Variants in ASAP1 observed in about 807,000 individuals in gnomAD.
ASAP1 encodes the protein ArfGAP with SH3 domain, ankyrin repeat and PH domain 1, also known as arf-GAP with SH3 domain, ANK repeat and PH domain-containing protein 1.
In ASAP1, 43 loss-of-function variants were observed where a neutral mutation model predicts 145.2. The observed-to-expected ratio is 0.30, with a 90% CI of 0.23 to 0.38. ASAP1 has a LOEUF of 0.38. ASAP1 is among the 10% of genes least tolerant of loss of function. The pLI, the probability that ASAP1 is intolerant of heterozygous loss-of-function variation, is 1.00. For missense variants in ASAP1, 1,018 were observed against 1,355.3 expected, an observed-to-expected ratio of 0.75 and a Z score of 3.91; for synonymous variants, 546 against 515.5, an observed-to-expected ratio of 1.06 and a Z score of -0.80.
rs77196359 is a variant in ASAP1, at chr8:130,089,340, G to A, written c.2572+2633C>T. Among the ~76,000 whole-genome samples the A allele has an allele frequency of 3.3e-3, 506 of 152,276 alleles. 18 individuals are homozygous for A. The East Asian group carries it at 0.08, about 24-fold the overall frequency. On this transcript the variant is annotated intron_variant, in intron 25 of 29. Coordinates refer to ENST00000518721, the MANE Select transcript of ASAP1 (RefSeq NM_018482.4). ...AAGATGGCAGACATGTTCAGCTTTG[G>A]GGGTGGAGAGGTAAGGCCTGGTGAG...
intron 2 of ASAP1, among the ~76,000 whole-genome samples, chr8:130,392,872 G>A (rs982018745): frequency 1.3e-5 from 2 of 152,178 alleles, no homozygotes; most frequent in Non-Finnish European, 2.9e-5. Context: ...TCATTCATGA[G>A]GGATCCGCCT....
Position 130,226,734 on chromosome 8 carries a change from T to C in ASAP1, c.259+10188A>G, listed in dbSNP as rs372082746. Reference sequence around the variant, plus strand: ...ATACTCAAAGAGTTCCACAGGGCTATTACTCAGCATTTAAACAGCACCTGA... The same window carrying C: ...ATACTCAAAGAGTTCCACAGGGCTACTACTCAGCATTTAAACAGCACCTGA... On this transcript the variant is annotated intron_variant, in intron 4 of 29. Coordinates refer to ENST00000518721, the MANE Select transcript of ASAP1 (RefSeq NM_018482.4). 6.6e-5 allele frequency among the ~76,000 whole-genome samples: 10 copies of C among 152,324 alleles called. No homozygotes were observed. In the East Asian group the frequency reaches 1.5e-3, roughly 23 times the overall value.
At chr8:130,417,955 G>A (rs1427717159) in intron 1 of ASAP1, among the ~76,000 whole-genome samples, 1 of 152,182 alleles carries the variant, frequency 6.6e-6, no homozygotes, top group Non-Finnish European at 1.5e-5. Context: ...GCCAGGGGCT[G>A]GAACACTCAC....
At chr8:130,267,435 C>T (rs1820330299) in intron 3 of ASAP1, among the ~76,000 whole-genome samples, 1 of 152,144 alleles carries the variant, frequency 6.6e-6, no homozygotes, top group South Asian at 2.1e-4. Flanking sequence ...GATGAAGAAT[C>T]ACATTAGATC....
rs140795718 is a variant in ASAP1 at position 130,311,671 on chromosome 8, G to C, written c.186+46346C>G. 4.8e-3 allele frequency among the ~76,000 whole-genome samples: 701 copies of C among 146,924 alleles called. 5 individuals are homozygous for C. Among genetic ancestry groups the C allele is most frequent in the African/African-American group, 0.017 (664 of 39,622 alleles). On this transcript the variant is annotated intron_variant, in intron 3 of 29. Coordinates refer to ENST00000518721, the MANE Select transcript of ASAP1 (RefSeq NM_018482.4). ...AGCTACTCGGGAGGCTGAGGCAAGA[G>C]AATCGCTTGAACCCGGGAGGCGGAG...
chr8:130,281,509 G>C (rs1329570356), intron 3 of ASAP1, among the ~76,000 whole-genome samples: 1 of 152,124 alleles, frequency 6.6e-6, no homozygotes, highest in Non-Finnish European at 1.5e-5. Context: ...ATATCTCCAA[G>C]TCTAGGTACT....
At chr8:130,322,678 G>A (rs1824080909) in intron 3 of ASAP1, among the ~76,000 whole-genome samples, 1 of 152,178 alleles carries the variant, frequency 6.6e-6, no homozygotes, top group East Asian at 1.9e-4. Flanking sequence ...TTCATTTAGT[G>A]CTTATTATGG....
At chr8:130,291,933 C>T (rs1031383436) in intron 3 of ASAP1, among the ~76,000 whole-genome samples, 4 of 152,144 alleles carry the variant, frequency 2.6e-5, no homozygotes, top group African/African-American at 9.7e-5. Flanking sequence ...ACTGCAGCTG[C>T]GCCTGATGCT....
intron 3 of ASAP1, among the ~76,000 whole-genome samples, chr8:130,286,863 G>A (rs189527535): frequency 1.3e-5 from 2 of 152,276 alleles, no homozygotes; most frequent in African/African-American, 4.8e-5. Context: ...CACACCCACA[G>A]GGAACATTTA....
chr8:130,320,618 T>C (rs1004444542), intron 3 of ASAP1, among the ~76,000 whole-genome samples: 3 of 129,686 alleles, frequency 2.3e-5, no homozygotes, highest in African/African-American at 9.1e-5. Flanking sequence ...CTGAGAAGTC[T>C]AGGGCTGTAT....
At chr8:130,095,847 G>C (rs1333055765) in intron 24 of ASAP1, among the ~76,000 whole-genome samples, 1 of 151,842 alleles carries the variant, frequency 6.6e-6, no homozygotes, top group Non-Finnish European at 1.5e-5. Context: ...TTGAACTCCT[G>C]ACCTCAGGTG....
intron 3 of ASAP1, among the ~76,000 whole-genome samples, chr8:130,296,747 A>G (rs1473771958): frequency 6.6e-6 from 1 of 151,548 alleles, no homozygotes. Flanking sequence ...AAGGCCGACT[A>G]CAGAATTAGT....
At position 130,060,803 on chromosome 8, in the gene ASAP1, G is replaced by C. The variant is rs143261202; in HGVS notation, c.2968C>G (p.Pro990Ala). ...AGGTCTCCCAGCTGTGGTTTGGGGG[G>C]CAGGTCCTTCATCTGTGGTTTGGGA... ...LPPKPQMKDLPPKPQLGDLLA... is the reference protein window; with the variant it reads ...LPPKPQMKDLAPKPQLGDLLA... Residue 990 changes from proline (P) to alanine (A), a missense_variant, in exon 28 of 30, where the codon CCC becomes GCC. Physicochemically the swap from Pro to Ala is conservative, Grantham distance 27. Around this residue, in one of 9 missense-constraint regions of ASAP1, gnomAD observed 139 missense variants for 131.0 expected, o/e 1.06. Coordinates refer to ENST00000518721, the MANE Select transcript of ASAP1 (RefSeq NM_018482.4). 2.5e-5 allele frequency: 41 copies of C among 1,613,988 alleles called. No homozygotes were observed. In the African/African-American group the frequency reaches 5.2e-4, roughly 21 times the overall value.
rs1176997128 is a variant in ASAP1 at position 130,239,362 on chromosome 8, G to A, written c.187-2368C>T. On this transcript the variant is annotated intron_variant, in intron 3 of 29. Transcript: ENST00000518721. ...CTCACTTAATTCTCACAAAAGTCCT[G>A]TGAAATAAATATTCTTATTATATCC... Among the ~76,000 whole-genome samples the A allele has an allele frequency of 2.0e-5, 3 of 152,102 alleles. No homozygotes were observed. In the South Asian group the frequency reaches 6.2e-4, roughly 31 times the overall value.
chr8:130,250,687 C>T (rs1819138169), intron 3 of ASAP1, among the ~76,000 whole-genome samples: 1 of 151,644 alleles, frequency 6.6e-6, no homozygotes, highest in African/African-American at 2.4e-5. Context: ...ACCAAGAAGC[C>T]CGGGCTATAC....
chr8:130,307,678 T>G (rs1465436420), intron 3 of ASAP1, among the ~76,000 whole-genome samples: 1 of 152,218 alleles, frequency 6.6e-6, no homozygotes, highest in East Asian at 1.9e-4. Flanking sequence ...ATCTAACAGC[T>G]TGGTGAGGTA....
At chr8:130,173,602 C>T (rs964615352) in intron 9 of ASAP1, among the ~76,000 whole-genome samples, 4 of 151,174 alleles carry the variant, frequency 2.6e-5, no homozygotes, top group African/African-American at 9.7e-5. Flanking sequence ...CCTGTCTCTA[C>T]AAAAAAAATA....
intron 3 of ASAP1, among the ~76,000 whole-genome samples, chr8:130,290,124 G>A (rs999450964): frequency 1.3e-5 from 2 of 152,030 alleles, no homozygotes; most frequent in Admixed American, 1.3e-4. Context: ...ACATAAAAGG[G>A]TGGTCCATAA....
chr8:130,436,624 G>A (rs748571746), intron 1 of ASAP1, among the ~76,000 whole-genome samples: 2 of 152,180 alleles, frequency 1.3e-5, no homozygotes, highest in Non-Finnish European at 2.9e-5. Flanking sequence ...GAAGCCAGAA[G>A]TTTGAGACCA....
Sources: gnomAD v4.1 joint callset for allele counts (sites outside exome capture counted in the v4.1 genomes callset) on GRCh38, gnomAD v4.1.1 for gene constraint, gnomAD v4.1.1 regional missense constraint, MANE v1.5 for transcripts, NCBI Gene and HGNC (gene_info 2026-07-23, HGNC 2026-07-21) for gene names.